Variants in TUSC3 observed in about 807,000 individuals in gnomAD.
The protein encoded by TUSC3 is tumor suppressor candidate 3, also known as dolichyl-diphosphooligosaccharide--protein glycosyltransferase subunit TUSC3.
A neutral mutation model predicts 44.8 loss-of-function variants in TUSC3; 45 were observed. The observed-to-expected ratio is 1.00, with a 90% CI of 0.79 to 1.29. TUSC3 has a LOEUF of 1.29. Among genes scored for constraint, TUSC3 ranks in the 50% most tolerant of loss-of-function variants. TUSC3 has a pLI of 0.00. For missense variants in TUSC3, 519 were observed against 437.9 expected, an observed-to-expected ratio of 1.19 and a Z score of -1.65; for synonymous variants, 212 against 152.9, an observed-to-expected ratio of 1.39 and a Z score of -2.85.
chr8:15,540,291 G>T lies in TUSC3; in HGVS notation c.-140G>T. On this transcript the variant is annotated 5_prime_UTR_variant, in exon 1 of 11. Transcript: ENST00000503731. ...CTCCTCCTCTGCGTCCTCGGCCGCG[G>T]CCCGGGTCCCTCGCAAAGCCGCTGC... The T allele has an allele frequency of 1.6e-6, 2 of 1,230,154 alleles. No homozygotes were observed. The highest frequency in any genetic ancestry group is 2.1e-6 in the Non-Finnish European group (2 of 948,560). The allele number at this position is 1,230,154 out of a possible 1,614,324, so 76.2% of individuals were successfully genotyped here.
intron 5 of TUSC3, among the ~76,000 whole-genome samples, chr8:15,669,557 A>C (rs1807848191): frequency 6.6e-6 from 1 of 151,728 alleles, no homozygotes; most frequent in Non-Finnish European, 1.5e-5. Context: ...TCACTAATAC[A>C]AGAATGGTTT....
At chr8:15,761,131 A>G (rs955716754) in intron 10 of TUSC3, among the ~76,000 whole-genome samples, 2 of 152,194 alleles carry the variant, frequency 1.3e-5, no homozygotes, top group African/African-American at 4.8e-5. Flanking sequence ...GATTAAGAAA[A>G]TAGCTAACAC....
intron 3 of TUSC3, among the ~76,000 whole-genome samples, chr8:15,654,767 A>G (rs1170619340): frequency 6.6e-6 from 1 of 152,158 alleles, no homozygotes; most frequent in East Asian, 1.9e-4. Flanking sequence ...ATTGCCCTCC[A>G]GCCTGGGTGA....
chr8:15,708,035 T>C (rs769856536), intron 6 of TUSC3, among the ~76,000 whole-genome samples: 1 of 151,882 alleles, frequency 6.6e-6, no homozygotes, highest in African/African-American at 2.4e-5. Flanking sequence ...CTGTCTCTTA[T>C]AAAGTTATAA....
At chr8:15,616,741 A>C (rs912772340) in intron 1 of TUSC3, among the ~76,000 whole-genome samples, 2 of 152,186 alleles carry the variant, frequency 1.3e-5, no homozygotes, top group African/African-American at 4.8e-5. Flanking sequence ...AGACTCCCTG[A>C]GCAAGAGCCC....
intron 6 of TUSC3, among the ~76,000 whole-genome samples, chr8:15,679,896 G>A (rs926299511): frequency 6.6e-6 from 1 of 152,036 alleles, no homozygotes; most frequent in Non-Finnish European, 1.5e-5. Flanking sequence ...GGTGGTTGTA[G>A]ATGTGTAACT....
At chr8:15,818,699 G>T in the TUSC3 span, among the ~76,000 whole-genome samples, 1 of 152,164 alleles carries the variant, frequency 6.6e-6, no homozygotes, top group Non-Finnish European at 1.5e-5. Flanking sequence ...TCATAATTAT[G>T]TCCTATGACT....
rs530641314 is a variant in TUSC3 at position 15,441,539 on chromosome 8, A to G, written n.91+24234A>G. Among the ~76,000 whole-genome samples the G allele has an allele frequency of 3.9e-5, 6 of 152,360 alleles. No individual in the cohort carries two copies. In the South Asian group the frequency reaches 1.2e-3, roughly 32 times the overall value. On this transcript the variant is annotated intron_variant and non_coding_transcript_variant, in intron 1 of 5. Coordinates refer to the TUSC3 transcript ENST00000503191. ...AACATAGATACTTGAATGGAAAGAA[A>G]ATATGCTCATAGACATGGAGAATTG...
At chr8:15,537,435 G>A (rs1325856017), upstream of TUSC3, among the ~76,000 whole-genome samples, 1 of 152,118 alleles carries the variant, frequency 6.6e-6, no homozygotes, top group African/African-American at 2.4e-5. Flanking sequence ...ACCACCTCGG[G>A]CACATGTTCT....
intron 6 of TUSC3, among the ~76,000 whole-genome samples, chr8:15,680,667 T>G (rs1205111379): frequency 6.6e-6 from 1 of 152,146 alleles, no homozygotes; most frequent in Non-Finnish European, 1.5e-5. Context: ...CTTGTTCCAG[T>G]TCTCAGGGAG....
intron 2 of TUSC3, among the ~76,000 whole-genome samples, chr8:15,636,340 G>A (rs761299669): frequency 2.0e-5 from 3 of 152,134 alleles, no homozygotes; most frequent in Non-Finnish European, 4.4e-5. Context: ...AGAGATAGCT[G>A]CTGTTTTTTT....
chr8:15,830,387 G>A, the TUSC3 span, among the ~76,000 whole-genome samples: 1 of 152,024 alleles, frequency 6.6e-6, no homozygotes, highest in Admixed American at 6.6e-5. Flanking sequence ...GGATTTCCTA[G>A]GTTTTCTTCT....
intron 6 of TUSC3, among the ~76,000 whole-genome samples, chr8:15,723,805 AAAAAGAAACTG>A (rs1438819806): frequency 6.6e-6 from 1 of 152,218 alleles, no homozygotes; most frequent in Non-Finnish European, 1.5e-5. Context: ...TAGTATCCTA[AAAAAGAAACTG>A]AAAAGAAAAT....
intron 2 of TUSC3, among the ~76,000 whole-genome samples, chr8:15,633,912 G>A (rs1805940808): frequency 6.6e-6 from 1 of 152,128 alleles, no homozygotes; most frequent in Non-Finnish European, 1.5e-5. Flanking sequence ...CCTACTGGAT[G>A]ATTCTCACCA....
intron 6 of TUSC3, among the ~76,000 whole-genome samples, chr8:15,694,435 CAAAAAAAAAAAAAAA>C (rs146718595): frequency 7.2e-5 from 6 of 83,232 alleles, no homozygotes; most frequent in Admixed American, 5.9e-4. Flanking sequence ...AAACTCCATC[CAAAAAAAAAAAAAAA>C]AAAAAAAAAA....
intron 1 of TUSC3, among the ~76,000 whole-genome samples, chr8:15,459,694 T>TC (rs1800316731): frequency 6.6e-6 from 1 of 152,150 alleles, no homozygotes; most frequent in Non-Finnish European, 1.5e-5. Context: ...AGTTTAGCTT[T>TC]CACATATCAG....
At chr8:15,504,578 GATATAT>G (rs1158864721) in intron 2 of TUSC3, among the ~76,000 whole-genome samples, 359 of 33,256 alleles carry the variant, frequency 0.011, 2 homozygotes, top group Non-Finnish European at 0.016. Context: ...CAACTTTCAG[GATATAT>G]ATATATATAT....
chr8:15,738,237 C>G (rs1318278673), intron 7 of TUSC3, among the ~76,000 whole-genome samples: 1 of 152,294 alleles, frequency 6.6e-6, no homozygotes, highest in East Asian at 1.9e-4. Flanking sequence ...TAACCTATGT[C>G]TAGTAATCCC....
the TUSC3 span, among the ~76,000 whole-genome samples, chr8:15,805,735 T>C: frequency 6.6e-6 from 1 of 152,138 alleles, no homozygotes; most frequent in Non-Finnish European, 1.5e-5. Context: ...CTAGGATTTT[T>C]ACATCTATTT....
Sources: gnomAD v4.1 joint callset for allele counts (sites outside exome capture counted in the v4.1 genomes callset) on GRCh38, gnomAD v4.1.1 for gene constraint, MANE v1.5 for transcripts, NCBI Gene and HGNC (gene_info 2026-07-23, HGNC 2026-07-21) for gene names.